Variants in EPS15L1 observed in about 807,000 individuals in gnomAD.
EPS15L1 encodes the protein epidermal growth factor receptor substrate 15-like 1.
In EPS15L1, 43 loss-of-function variants were observed where a neutral mutation model predicts 117.1. That is an observed-to-expected ratio of 0.37 (90% CI 0.29 to 0.47). EPS15L1 has a LOEUF of 0.47. EPS15L1 is among the 20% of genes least tolerant of loss of function. The pLI, the probability that EPS15L1 is intolerant of heterozygous loss-of-function variation, is 0.99. For synonymous variants in EPS15L1, 459 were observed against 470.5 expected (o/e 0.98, Z 0.32); for missense variants, 981 against 1,164.0 (o/e 0.84, Z 2.29).
At chr19:16,386,349 T>G in intron 19 of EPS15L1, 118 bp from the exon 20 acceptor site, 1 of 790,398 alleles carries the variant, frequency 1.3e-6, no homozygotes, top group Non-Finnish European at 2.2e-6. Context: ...AGAGGGAAAG[T>G]GGAATGATTA....
chr19:16,413,791 C>T lies in EPS15L1; in HGVS notation c.1248G>A (p.Gln416=), dbSNP rs200984218. The change falls in exon 13 of 24, where the codon CAG becomes CAA. Residue 416 remains glutamine (Q), a synonymous_variant. Coordinates refer to ENST00000455140, the MANE Select transcript of EPS15L1 (RefSeq NM_001258374.3). ...CCCTTACCTGCACCTCGCTGGTTTT[C>T]TGTCTGATTGCCTCTTCCTTTTCTC... ...DIREKEEAIR[Q]KTSEVQELQN... 2.5e-6 allele frequency: 4 copies of T among 1,613,984 alleles called. No homozygotes were observed. In the Admixed American group the frequency reaches 5.0e-5, roughly 20 times the overall value.
At position 16,404,869 on chromosome 19, in the gene EPS15L1, T is replaced by C; in HGVS notation, c.1267-120A>G. 9.0e-7 allele frequency: 1 copy of C among 1,105,260 alleles called. No individual in the cohort carries two copies. Among genetic ancestry groups the C allele is most frequent in the Non-Finnish European group, 1.3e-6 (1 of 760,062 alleles). The allele number at this position is 1,105,260 out of a possible 1,614,324, so 68.5% of individuals were successfully genotyped here. A position where few individuals can be genotyped will look rare whatever the true frequency, so the allele number is the denominator to read the frequency against. ...CCTCCGAAACCACCCACTGTGACCG[T>C]GCTCAGGGCCAGCATTCCGTGCACA... On this transcript the variant is annotated intron_variant, in intron 13 of 23. Coordinates refer to ENST00000455140, the MANE Select transcript of EPS15L1 (RefSeq NM_001258374.3). This position sits in a 1 kb window ranked among gnomAD's most constrained non-coding sequence, Gnocchi z 4.2.
intron 19 of EPS15L1, among the ~76,000 whole-genome samples, chr19:16,391,540 G>A (rs760069805): frequency 6.6e-6 from 1 of 152,054 alleles, no homozygotes. Flanking sequence ...CCCCGGGCCT[G>A]GGTTGCAGCC....
chr19:16,374,216 A>ATGGCC lies in EPS15L1; in HGVS notation c.2380+2901_2380+2905dup, dbSNP rs545894146. On this transcript the variant is annotated intron_variant, in intron 22 of 23. Transcript: ENST00000455140. ...GCCTTTCCTCTTCCAGGAAATGGGC[A>ATGGCC]TGGCCTGGCCTGTCTCCCTCACGGG... 2.8e-4 allele frequency among the ~76,000 whole-genome samples: 43 copies of ATGGCC among 152,316 alleles called. No individual in the cohort carries two copies. In the South Asian group the frequency reaches 8.9e-3, roughly 32 times the overall value.
At chr19:16,400,993 C>T in intron 16 of EPS15L1, 4 of 985,368 alleles carry the variant, frequency 4.1e-6, no homozygotes, top group Non-Finnish European at 4.8e-6. Flanking sequence ...AAGTAGGAGC[C>T]GGGTTGTGAG....
chr19:16,455,098 C>T (rs1325557511), intron 1 of EPS15L1, among the ~76,000 whole-genome samples: 2 of 151,674 alleles, frequency 1.3e-5, no homozygotes, highest in Non-Finnish European at 2.9e-5. Context: ...CATTGCACTC[C>T]AGCCTGGGCA....
intron 9 of EPS15L1, among the ~76,000 whole-genome samples, chr19:16,421,853 C>T (rs966380224): frequency 1.3e-5 from 2 of 152,126 alleles, no homozygotes; most frequent in Non-Finnish European, 1.5e-5. Context: ...CCTGGAGAAC[C>T]GGCCCGGCCA....
chr19:16,413,359 G>C (rs938097927), intron 13 of EPS15L1: 4 of 691,820 alleles, frequency 5.8e-6, no homozygotes, highest in Admixed American at 2.2e-5. Flanking sequence ...ATCAATGACT[G>C]CTACACCTCA....
intron 19 of EPS15L1, among the ~76,000 whole-genome samples, chr19:16,391,505 G>C (rs572798983): frequency 6.6e-6 from 1 of 152,032 alleles, no homozygotes; most frequent in Non-Finnish European, 1.5e-5. Context: ...CTGAGAAGGA[G>C]GGTGAGTGCC....
At chr19:16,392,991 A>C (rs187549300) in intron 18 of EPS15L1, among the ~76,000 whole-genome samples, 7 of 151,990 alleles carry the variant, frequency 4.6e-5, no homozygotes, top group Admixed American at 1.3e-4. Flanking sequence ...GCAGTGAGCT[A>C]TAATTGCGCC....
chr19:16,466,449 A>G (rs1044120633), intron 1 of EPS15L1, among the ~76,000 whole-genome samples: 1 of 152,028 alleles, frequency 6.6e-6, no homozygotes, highest in Non-Finnish European at 1.5e-5. Flanking sequence ...TGCACTACAC[A>G]TTGGGCTCAT....
chr19:16,392,253 C>A (rs2092484200), intron 19 of EPS15L1, 51 bp downstream of exon 19: 1 of 1,609,386 alleles, frequency 6.2e-7, no homozygotes, highest in Non-Finnish European at 8.5e-7. Context: ...GCCACCCTTA[C>A]CACACAGAGC....
intron 1 of EPS15L1, among the ~76,000 whole-genome samples, chr19:16,455,785 C>T (rs1393241932): frequency 6.6e-6 from 1 of 152,162 alleles, no homozygotes; most frequent in South Asian, 2.1e-4. Flanking sequence ...TGTTGTGATT[C>T]CTGGTATCCT....
In EPS15L1 at chr19:16,471,893, C is replaced by T. The variant is rs777900950; in HGVS notation, c.33+20G>A. The T allele has an allele frequency of 2.3e-6, 3 of 1,302,104 alleles. No individual in the cohort carries two copies. Among genetic ancestry groups the T allele is most frequent in the South Asian group, 2.2e-5 (1 of 46,482 alleles). 80.7% of individuals were successfully genotyped at this position (1,302,104 alleles called of 1,614,324 possible). A position where few individuals can be genotyped will look rare whatever the true frequency, so the allele number is the denominator to read the frequency against. On this transcript the variant is annotated intron_variant, in intron 1 of 23. Coordinates refer to ENST00000455140, the MANE Select transcript of EPS15L1 (RefSeq NM_001258374.3). The surrounding 1 kb of genome is among the most constrained non-coding windows in gnomAD (Gnocchi z 4.8). ...GCGCCCCGCACCCCGGCGCCGCCCC[C>T]AGGCCCGCCCGGCCCGTACCTGCTG...
At chr19:16,367,685 CTGACTT>C (rs1187723634) in intron 22 of EPS15L1, among the ~76,000 whole-genome samples, 1 of 144,052 alleles carries the variant, frequency 6.9e-6, no homozygotes, top group Non-Finnish European at 1.5e-5. Context: ...TTTCAAGGTT[CTGACTT>C]TTCTATCTTG....
chr19:16,356,142 G>A (rs1181178559), intron 23 of EPS15L1, among the ~76,000 whole-genome samples: 3 of 152,244 alleles, frequency 2.0e-5, no homozygotes, highest in Admixed American at 2.0e-4. Context: ...GAGAAGTGAG[G>A]ATGGGCCCTT....
At chr19:16,403,625 C>CTCA in intron 15 of EPS15L1, 108 bp downstream of exon 15, 1 of 1,069,722 alleles carries the variant, frequency 9.3e-7, no homozygotes, top group Non-Finnish European at 1.4e-6. Context: ...AAAAGAGACC[C>CTCA]TCACGTAAGT....
intron 1 of EPS15L1, among the ~76,000 whole-genome samples, chr19:16,452,447 G>GAAA (rs571611674): frequency 1.7e-5 from 2 of 119,756 alleles, no homozygotes; most frequent in African/African-American, 3.1e-5. Context: ...ATTCCATCTC[G>GAAA]AAAAAAAAAA....
intron 19 of EPS15L1, 90 bp from the exon 20 acceptor site, chr19:16,386,321 A>G: frequency 1.0e-6 from 1 of 988,256 alleles, no homozygotes. Flanking sequence ...GTCGATGTAC[A>G]ACATCCAGTG....
Sources: allele counts gnomAD v4.1 joint callset (sites outside exome capture counted in the v4.1 genomes callset), GRCh38; gene constraint gnomAD v4.1.1; non-coding constraint Gnocchi (gnomAD v3.1); transcripts MANE v1.5; gene names NCBI Gene and HGNC (gene_info 2026-07-23, HGNC 2026-07-21).